ERICH6B: variants seen among roughly 807,000 people sequenced by gnomAD.
ERICH6B encodes glutamate rich 6B.
In ERICH6B, 69 loss-of-function variants were observed where a neutral mutation model predicts 80.0. The observed-to-expected ratio is 0.86, with a 90% CI of 0.71 to 1.05. The LOEUF is 1.05. Among genes scored for constraint, ERICH6B ranks in the 50% least tolerant of loss-of-function variants. ERICH6B has a pLI of 0.00. For synonymous variants in ERICH6B, 283 were observed against 291.9 expected (o/e 0.97, Z 0.31); for missense variants, 754 against 796.1 (o/e 0.95, Z 0.64).
intron 8 of ERICH6B, among the ~76,000 whole-genome samples, chr13:45,571,972 T>C (rs1312333704): frequency 4.6e-5 from 7 of 152,304 alleles, no homozygotes; most frequent in Non-Finnish European, 8.8e-5. Context: ...TATGATATAG[T>C]AAATTTTGTT....
intron 11 of ERICH6B, among the ~76,000 whole-genome samples, chr13:45,559,077 C>T (rs191584347): frequency 4.4e-4 from 67 of 152,232 alleles, no homozygotes; most frequent in Non-Finnish European, 8.5e-4. Context: ...ATTTCAATCT[C>T]ACTGCTTGTT....
chr13:45,584,951 CCTG>C (rs1368955683), intron 5 of ERICH6B, among the ~76,000 whole-genome samples: 1 of 152,200 alleles, frequency 6.6e-6, no homozygotes, highest in Non-Finnish European at 1.5e-5. Context: ...TCCACCTCCT[CCTG>C]ACTGGGTTTT....
rs140245038 is a variant in ERICH6B at position 45,581,351 on chromosome 13, A to C, written c.857-686T>G. ...TACATGTGTGTGTACACACACTCAAAGACAGACACACACATACACATCCTA... is the reference window on the plus strand; with the variant it reads ...TACATGTGTGTGTACACACACTCAACGACAGACACACACATACACATCCTA... On this transcript the variant is annotated intron_variant, in intron 5 of 14. Coordinates refer to ENST00000298738, the MANE Select transcript of ERICH6B (RefSeq NM_182542.3). 1.9e-3 allele frequency among the ~76,000 whole-genome samples: 293 copies of C among 152,296 alleles called. 2 individuals are homozygous for C. Among genetic ancestry groups the C allele is most frequent in the African/African-American group, 6.9e-3 (287 of 41,568 alleles).
At position 45,599,329 on chromosome 13, in the gene ERICH6B, G is replaced by A. The variant is rs187328452; in HGVS notation, c.-58-2266C>T. 3.9e-5 allele frequency among the ~76,000 whole-genome samples: 6 copies of A among 152,342 alleles called. No individual in the cohort carries two copies. In the East Asian group the frequency reaches 1.2e-3, roughly 29 times the overall value. On this transcript the variant is annotated intron_variant, in intron 2 of 14. Coordinates refer to ENST00000298738, the MANE Select transcript of ERICH6B (RefSeq NM_182542.3). ...GTAGCAGTAAAGGGGGAGCCTGTGC[G>A]TGGAGAGTTTTAAAACCCATCATGA...
intron 3 of ERICH6B, among the ~76,000 whole-genome samples, chr13:45,594,407 T>C (rs1205545830): frequency 6.6e-6 from 1 of 152,164 alleles, no homozygotes; most frequent in African/African-American, 2.4e-5. Context: ...TTTTCAAAGA[T>C]CCAGCACATA....
At chr13:45,602,062 G>T (rs555423467) in intron 2 of ERICH6B, among the ~76,000 whole-genome samples, 1 of 152,282 alleles carries the variant, frequency 6.6e-6, no homozygotes, top group South Asian at 2.1e-4. Flanking sequence ...GCCATGGGGA[G>T]AGAAAAAAGA....
chr13:45,561,895 C>T (rs1306435600), intron 10 of ERICH6B, among the ~76,000 whole-genome samples: 2 of 152,136 alleles, frequency 1.3e-5, no homozygotes, highest in African/African-American at 2.4e-5. Flanking sequence ...GAGGAATGCT[C>T]ACACAGTGAA....
At chr13:45,568,583 C>T in intron 8 of ERICH6B, 132 bp from the exon 9 acceptor site, 1 of 872,540 alleles carries the variant, frequency 1.1e-6, no homozygotes, top group Non-Finnish European at 1.7e-6. Flanking sequence ...AAATGGGAAC[C>T]AGGGGCAGGG....
intron 11 of ERICH6B, among the ~76,000 whole-genome samples, chr13:45,550,543 A>G (rs1383720823): frequency 3.9e-5 from 6 of 152,090 alleles, no homozygotes; most frequent in African/African-American, 1.4e-4. Context: ...CAATCACCCC[A>G]ATGATTATTG....
intron 5 of ERICH6B, among the ~76,000 whole-genome samples, chr13:45,583,285 C>A (rs1338355283): frequency 6.6e-6 from 1 of 152,090 alleles, no homozygotes; most frequent in East Asian, 1.9e-4. Flanking sequence ...TTTTTTGGCT[C>A]AATTCTATTT....
chr13:45,577,369 C>T (rs369636645), intron 7 of ERICH6B, among the ~76,000 whole-genome samples: 7 of 148,516 alleles, frequency 4.7e-5, no homozygotes, highest in South Asian at 2.2e-4. Flanking sequence ...CTGCAATCTC[C>T]GCCTCCCGGG....
At chr13:45,585,532 C>A (rs1179960926) in intron 5 of ERICH6B, among the ~76,000 whole-genome samples, 2 of 152,136 alleles carry the variant, frequency 1.3e-5, no homozygotes, top group Admixed American at 1.3e-4. Context: ...GCTTGCCTTT[C>A]CTTGTGTTTC....
At chr13:45,560,108 G>A (rs1305984800) in intron 11 of ERICH6B, among the ~76,000 whole-genome samples, 1 of 152,070 alleles carries the variant, frequency 6.6e-6, no homozygotes, top group Non-Finnish European at 1.5e-5. Flanking sequence ...GTTGGACAAG[G>A]CCTTTTATCA....
chr13:45,569,326 A>T (rs546048140), intron 8 of ERICH6B, among the ~76,000 whole-genome samples: 1 of 152,184 alleles, frequency 6.6e-6, no homozygotes, highest in East Asian at 1.9e-4. Flanking sequence ...GGATTTCACC[A>T]TGTTGGCCAG....
chr13:45,574,817 G>GC, intron 8 of ERICH6B, 25 bp downstream of exon 8: 1 of 1,510,400 alleles, frequency 6.6e-7, no homozygotes, highest in Non-Finnish European at 9.0e-7. Flanking sequence ...CTGGGGGGGG[G>GC]GTCTCAAGTT....
intron 13 of ERICH6B, among the ~76,000 whole-genome samples, chr13:45,546,114 G>A (rs1411244364): frequency 1.3e-5 from 2 of 152,230 alleles, no homozygotes; most frequent in East Asian, 3.9e-4. Context: ...CCTTGTGCAG[G>A]GCACCCATAT....
intron 8 of ERICH6B, 29 bp from the exon 9 acceptor site, chr13:45,568,480 C>A (rs996053247): frequency 2.2e-5 from 32 of 1,460,856 alleles, no homozygotes; most frequent in Non-Finnish European, 2.8e-5. Context: ...ATGAAATATT[C>A]AGAAAATGGA....
intron 5 of ERICH6B, among the ~76,000 whole-genome samples, chr13:45,585,561 C>A (rs1218678615): frequency 6.6e-6 from 1 of 152,056 alleles, no homozygotes; most frequent in Non-Finnish European, 1.5e-5. Flanking sequence ...TTCTAATGAC[C>A]ATCCCCCCAC....
intron 4 of ERICH6B, among the ~76,000 whole-genome samples, chr13:45,588,177 T>A (rs1387711479): frequency 6.6e-6 from 1 of 152,132 alleles, no homozygotes; most frequent in Non-Finnish European, 1.5e-5. Flanking sequence ...GGGTAAGGGC[T>A]CAGGCAAAGA....
Sources: allele counts gnomAD v4.1 joint callset (sites outside exome capture counted in the v4.1 genomes callset), GRCh38; gene constraint gnomAD v4.1.1; transcripts MANE v1.5; gene names NCBI Gene and HGNC (gene_info 2026-07-23, HGNC 2026-07-21).